The following LRP1B variants were observed in gnomAD, a reference collection of about 807,000 sequenced individuals.
The protein encoded by LRP1B is low-density lipoprotein receptor-related protein 1B.
Under a neutral mutation model 556.6 loss-of-function variants are expected in LRP1B, and 217 were observed. That is an observed-to-expected ratio of 0.39 (90% confidence interval 0.35 to 0.44). The LOEUF (loss-of-function observed/expected upper bound fraction) is 0.44, where lower values mean the gene tolerates loss of function less well. LRP1B is among the 20% of genes least tolerant of loss of function. The probability of loss-of-function intolerance (pLI) is 1.00; values close to 1 mark genes in which losing one functional copy is unlikely to be tolerated. For missense variants in LRP1B, 5,053 were observed against 5,620.8 expected (o/e 0.90, Z 3.23); for synonymous variants, 2,047 against 1,865.8 (o/e 1.10, Z -2.50).
At chr2:141,313,558 G>A (rs756034397) in intron 3 of LRP1B, among the ~76,000 whole-genome samples, 3 of 152,122 alleles carry the variant, frequency 2.0e-5, no homozygotes, top group Non-Finnish European at 2.9e-5. Context: ...CCAACATACA[G>A]TCTTTTTTTC....
At position 141,224,165 on chromosome 2, in the gene LRP1B, C is replaced by CACAA. The variant is rs1553478787; in HGVS notation, c.850+5017_850+5018insTTGT. Among the ~76,000 whole-genome samples, 843 of 151,702 alleles carry CACAA rather than the reference C, an allele frequency of 5.6e-3. 5 individuals are homozygous for CACAA. Among genetic ancestry groups the CACAA allele is most frequent in the African/African-American group, 0.019 (767 of 41,358 alleles). ...AAACAAATTGACACACACACACACA[C>CACAA]AAACATTAAAAAGTGAGCAAAGGAC... On this transcript the variant is annotated intron_variant, in intron 6 of 90. Coordinates refer to ENST00000389484, the MANE Select transcript of LRP1B (RefSeq NM_018557.3).
chr2:140,726,812 CT>C (rs34490689), intron 35 of LRP1B, among the ~76,000 whole-genome samples: 27,912 of 151,926 alleles, frequency 0.18, 2,717 homozygotes, highest in East Asian at 0.29. Flanking sequence ...CTAGTTTTAT[CT>C]TTTTTCCTTC....
At chr2:141,454,519 T>C (rs1681556184) in intron 3 of LRP1B, among the ~76,000 whole-genome samples, 1 of 134,340 alleles carries the variant, frequency 7.4e-6, no homozygotes, top group African/African-American at 2.9e-5. Context: ...ATGACATACA[T>C]TAATATTTAA....
intron 41 of LRP1B, among the ~76,000 whole-genome samples, chr2:140,608,219 A>T (rs982298949): frequency 3.9e-5 from 6 of 152,172 alleles, no homozygotes; most frequent in African/African-American, 1.4e-4. Context: ...GCAGGCAATA[A>T]ATAAGTAAAT....
chr2:140,393,801 G>C (rs1366808267), intron 66 of LRP1B, among the ~76,000 whole-genome samples: 1 of 152,168 alleles, frequency 6.6e-6, no homozygotes, highest in Non-Finnish European at 1.5e-5. Context: ...GATGGAGTTA[G>C]AACTGGCAAA....
intron 3 of LRP1B, among the ~76,000 whole-genome samples, chr2:141,430,182 C>T: frequency 8.2e-6 from 1 of 121,810 alleles, no homozygotes; most frequent in African/African-American, 2.9e-5. Context: ...GTGTCTATTA[C>T]AGATTTCTCA....
At chr2:140,916,524 A>T (rs1029669487) in intron 21 of LRP1B, among the ~76,000 whole-genome samples, 1 of 152,196 alleles carries the variant, frequency 6.6e-6, no homozygotes, top group Non-Finnish European at 1.5e-5. Flanking sequence ...TCTCTATGCC[A>T]GTCAGTTCTG....
At chr2:140,340,142 T>C (rs1476424006) in intron 77 of LRP1B, among the ~76,000 whole-genome samples, 2 of 151,212 alleles carry the variant, frequency 1.3e-5, no homozygotes, top group East Asian at 2.0e-4. Context: ...CGGTCCTCCA[T>C]AAAAAGAAAG....
At chr2:141,030,351 C>A (rs1422988336) in intron 11 of LRP1B, among the ~76,000 whole-genome samples, 2 of 151,928 alleles carry the variant, frequency 1.3e-5, no homozygotes, top group East Asian at 3.9e-4. Flanking sequence ...ATGTATATCT[C>A]TATATCTTTT....
intron 7 of LRP1B, among the ~76,000 whole-genome samples, chr2:141,107,270 T>C (rs1038110771): frequency 2.0e-5 from 3 of 152,184 alleles, no homozygotes; most frequent in Non-Finnish European, 4.4e-5. Flanking sequence ...GTTATATTTA[T>C]AGGGTGATTT....
chr2:142,022,392 TTATTA>T (rs1703358309), intron 1 of LRP1B, among the ~76,000 whole-genome samples: 1 of 151,988 alleles, frequency 6.6e-6, no homozygotes, highest in South Asian at 2.1e-4. Flanking sequence ...ATTATTATTA[TTATTA>T]TTTGTTTTGT....
At chr2:140,447,545 G>A (rs1686714341) in intron 63 of LRP1B, among the ~76,000 whole-genome samples, 2 of 152,112 alleles carry the variant, frequency 1.3e-5, no homozygotes, top group African/African-American at 2.4e-5. Flanking sequence ...TTGGCTTAAG[G>A]AACTGTTGTG....
At chr2:142,121,096 G>C (rs558721618) in intron 1 of LRP1B, among the ~76,000 whole-genome samples, 73 of 152,032 alleles carry the variant, frequency 4.8e-4, no homozygotes, top group Admixed American at 7.9e-4. Context: ...TACATAGAAT[G>C]GTGCTGCATT....
In LRP1B at chr2:142,130,811, C is replaced by G; in HGVS notation, c.-82G>C. ...CGGCGGCGGCGGCGGCGGCAGGGGC[C>G]GCTTGGAGCCTGGAATCGAGCGGCG... On this transcript the variant is annotated 5_prime_UTR_variant, in exon 1 of 91. Transcript: ENST00000389484. 3 of 1,055,412 alleles carry G rather than the reference C, an allele frequency of 2.8e-6. No homozygotes were observed. The highest frequency in any genetic ancestry group is 4.3e-6 in the Non-Finnish European group (3 of 693,138). 65.4% of individuals were successfully genotyped at this position (1,055,412 alleles called of 1,614,324 possible).
At chr2:140,368,716 A>T (rs1169272464) in intron 71 of LRP1B, among the ~76,000 whole-genome samples, 1 of 151,878 alleles carries the variant, frequency 6.6e-6, no homozygotes, top group Non-Finnish European at 1.5e-5. Context: ...AAGCTCATGT[A>T]TCCTGATTGG....
intron 35 of LRP1B, among the ~76,000 whole-genome samples, chr2:140,734,807 G>T (rs1195695343): frequency 6.6e-6 from 1 of 152,084 alleles, no homozygotes; most frequent in East Asian, 1.9e-4. Flanking sequence ...AGGCAACATT[G>T]GCTTGATAGG....
At chr2:141,948,837 T>C (rs772731196) in intron 1 of LRP1B, among the ~76,000 whole-genome samples, 1 of 151,872 alleles carries the variant, frequency 6.6e-6, no homozygotes, top group Non-Finnish European at 1.5e-5. Flanking sequence ...AAATCCAGAG[T>C]ACATTTTAAA....
At position 140,357,906 on chromosome 2, in the gene LRP1B, A is replaced by G. The variant is rs992340646; in HGVS notation, c.11395+73T>C. 46 of 1,526,164 alleles carry G rather than the reference A, an allele frequency of 3.0e-5. No homozygotes were observed. In the Admixed American group the frequency reaches 4.6e-4, roughly 15 times the overall value. 94.5% of individuals were successfully genotyped at this position (1,526,164 alleles called of 1,614,324 possible). Reference sequence around the variant, plus strand: ...TTGAAGAGCAATATTTCCATCCAGAACATTTTAGTCATGTACAAGCAGAAG... The same window carrying G: ...TTGAAGAGCAATATTTCCATCCAGAGCATTTTAGTCATGTACAAGCAGAAG... On this transcript the variant is annotated intron_variant, in intron 74 of 90. Transcript: ENST00000389484.
At chr2:141,218,635 G>A (rs1445033229) in intron 6 of LRP1B, among the ~76,000 whole-genome samples, 5 of 152,144 alleles carry the variant, frequency 3.3e-5, no homozygotes, top group Admixed American at 2.6e-4. Flanking sequence ...AGAAGGGAAG[G>A]GGTAAAGGGA....
Sources: gnomAD v4.1 joint callset for allele counts (sites outside exome capture counted in the v4.1 genomes callset) on GRCh38, gnomAD v4.1.1 for gene constraint, MANE v1.5 for transcripts, NCBI Gene and HGNC (gene_info 2026-07-23, HGNC 2026-07-21) for gene names.